The following ST7 variants were observed in gnomAD, a reference collection of about 807,000 sequenced individuals.
The protein encoded by ST7 is suppressor of tumorigenicity 7 protein.
Under a neutral mutation model 78.7 loss-of-function variants are expected in ST7, and 28 were observed. That is an observed-to-expected ratio of 0.36 (90% CI 0.26 to 0.49). ST7 has a LOEUF of 0.49. ST7 is among the 20% of genes least tolerant of loss of function. The pLI is 0.99. For synonymous variants in ST7, 247 were observed against 249.6 expected (o/e 0.99, Z 0.10); for missense variants, 418 against 696.0 (o/e 0.60, Z 4.49).
chr7:117,187,091 A>G (rs1273902687), intron 10 of ST7, among the ~76,000 whole-genome samples: 1 of 152,246 alleles, frequency 6.6e-6, no homozygotes. Flanking sequence ...CCGTTTCTTT[A>G]GAGTGATTCA....
chr7:117,216,716 A>T (rs553218148), intron 13 of ST7, among the ~76,000 whole-genome samples: 1 of 152,298 alleles, frequency 6.6e-6, no homozygotes, highest in South Asian at 2.1e-4. Flanking sequence ...AAAGGATAGA[A>T]TTGCAAGCAG....
intron 12 of ST7, among the ~76,000 whole-genome samples, chr7:117,196,963 G>A (rs1036239960): frequency 2.6e-5 from 4 of 152,046 alleles, no homozygotes; most frequent in Non-Finnish European, 5.9e-5. Context: ...TGATTTTTGT[G>A]TATGGTGTAA....
chr7:116,968,399 T>C, intron 1 of ST7: 1 of 449,244 alleles, frequency 2.2e-6, no homozygotes, highest in South Asian at 1.6e-5. Flanking sequence ...CTTGAGACAG[T>C]GTCTTACTAT....
chr7:117,129,390 T>A (rs1020644218), intron 3 of ST7, among the ~76,000 whole-genome samples: 1 of 151,930 alleles, frequency 6.6e-6, no homozygotes, highest in Non-Finnish European at 1.5e-5. Context: ...TAGTTTGTCT[T>A]GTCATGTACA....
At chr7:117,099,320 A>G (rs905278281) in intron 1 of ST7, among the ~76,000 whole-genome samples, 4 of 152,070 alleles carry the variant, frequency 2.6e-5, no homozygotes, top group Admixed American at 6.5e-5. Flanking sequence ...ACTATTTAAT[A>G]TATTAAATAT....
At chr7:117,062,963 C>T (rs1798434376) in intron 1 of ST7, among the ~76,000 whole-genome samples, 2 of 152,308 alleles carry the variant, frequency 1.3e-5, no homozygotes, top group East Asian at 1.9e-4. Flanking sequence ...TAGTTTTTTA[C>T]ATCTTTCAAG....
intron 1 of ST7, among the ~76,000 whole-genome samples, chr7:117,036,810 TTTTGG>T (rs1343597732): frequency 6.6e-6 from 1 of 152,192 alleles, no homozygotes; most frequent in Non-Finnish European, 1.5e-5. Flanking sequence ...ATGCTCTGCA[TTTTGG>T]TAGAAAGCCC....
At chr7:117,117,130 C>T (rs765934863) in intron 2 of ST7, among the ~76,000 whole-genome samples, 3 of 152,168 alleles carry the variant, frequency 2.0e-5, no homozygotes, top group Non-Finnish European at 4.4e-5. Flanking sequence ...TGACTTTGGT[C>T]AGGTCATTGT....
At chr7:117,196,119 A>G (rs1810282387) in intron 12 of ST7, among the ~76,000 whole-genome samples, 1 of 152,198 alleles carries the variant, frequency 6.6e-6, no homozygotes, top group Non-Finnish European at 1.5e-5. Context: ...AAGACCGAAA[A>G]TTATTCCACT....
chr7:117,031,087 A>G (rs538992951), intron 1 of ST7, among the ~76,000 whole-genome samples: 38 of 152,226 alleles, frequency 2.5e-4, no homozygotes, highest in Admixed American at 7.2e-4. Context: ...AACACAGGAA[A>G]AGAAAACCAA....
chr7:117,060,867 GT>G lies in ST7; in HGVS notation c.152-38894del, dbSNP rs919627250. 9.2e-5 allele frequency among the ~76,000 whole-genome samples: 14 copies of G among 152,248 alleles called. 1 individual carries two copies. Among genetic ancestry groups the G allele is most frequent in the African/African-American group, 3.4e-4 (14 of 41,544 alleles). The stretch of plus-strand genomic sequence containing the variant: ...CTAAAAATACAAAAATTAGCTGGGT[GT>G]GGTGGCGGGCGCCTGTAATCCCAGC... On this transcript the variant is annotated intron_variant, in intron 1 of 15. Transcript: ENST00000323984.
intron 9 of ST7, among the ~76,000 whole-genome samples, chr7:117,155,074 A>G (rs1435023320): frequency 6.6e-6 from 1 of 152,196 alleles, no homozygotes; most frequent in Non-Finnish European, 1.5e-5. Flanking sequence ...TAAAGAAACT[A>G]AACAGGCTGT....
chr7:117,139,209 G>GT (rs1296515601), intron 9 of ST7, among the ~76,000 whole-genome samples: 1 of 152,092 alleles, frequency 6.6e-6, no homozygotes, highest in African/African-American at 2.4e-5. Context: ...GGATTTCCGT[G>GT]TTTTTTGTTA....
chr7:117,114,058 G>A (rs1802650762), intron 2 of ST7, among the ~76,000 whole-genome samples: 1 of 152,150 alleles, frequency 6.6e-6, no homozygotes, highest in Non-Finnish European at 1.5e-5. Flanking sequence ...TCGGCAACAG[G>A]TGGCCACAAA....
intron 9 of ST7, among the ~76,000 whole-genome samples, chr7:117,161,673 C>G (rs562003920): frequency 6.9e-6 from 1 of 145,546 alleles, no homozygotes; most frequent in Admixed American, 7.1e-5. Context: ...AGTCTTGGCT[C>G]ACTGCAGCCT....
rs145562938 is a variant in ST7 at position 117,133,014 on chromosome 7, C to T, written c.641+1054C>T. ...ATCTTAAGAATGCCAATCGTAGCTG[C>T]GGATCTTAAATTTATAGTAAATCTA... On this transcript the variant is annotated intron_variant, in intron 6 of 15. Coordinates refer to ENST00000323984, the MANE Select transcript of ST7 (RefSeq NM_001369598.1). 5.1e-3 allele frequency among the ~76,000 whole-genome samples: 780 copies of T among 151,990 alleles called. 4 individuals are homozygous for T. Among genetic ancestry groups the T allele is most frequent in the Non-Finnish European group, 6.6e-3 (447 of 67,886 alleles).
intron 1 of ST7, chr7:116,966,112 G>T (rs904116094): frequency 1.7e-5 from 8 of 465,006 alleles, no homozygotes; most frequent in African/African-American, 1.4e-4. Context: ...GTTTTCTTCT[G>T]TCTGTAACAC....
chr7:116,954,028 A>C (rs1792299589), intron 1 of ST7: 1 of 151,732 alleles, frequency 6.6e-6, no homozygotes, highest in Non-Finnish European at 1.5e-5. Context: ...AGGAGTTCCC[A>C]GGACACCCCC....
rs79212635 is a variant in ST7 at position 117,174,511 on chromosome 7, C to T, written c.1078+3535C>T. On this transcript the variant is annotated intron_variant, in intron 10 of 15. Transcript: ENST00000323984. ...TGTGATGTTATGAGAGAAAAGTGAT[C>T]GACTGAGAACAACTTCATTAAATAT... is the stretch of plus-strand genomic sequence containing the variant. Among the ~76,000 whole-genome samples the T allele has an allele frequency of 3.1e-3, 473 of 152,158 alleles. 2 individuals carry two copies. The highest frequency in any genetic ancestry group is 0.014 in the Middle Eastern group (4 of 294).
Sources: gnomAD v4.1 joint callset for allele counts (sites outside exome capture counted in the v4.1 genomes callset) on GRCh38, gnomAD v4.1.1 for gene constraint, MANE v1.5 for transcripts, NCBI Gene and HGNC (gene_info 2026-07-23, HGNC 2026-07-21) for gene names.